ZNF462: variants seen among roughly 807,000 people sequenced by gnomAD.
The protein encoded by ZNF462 is zinc finger protein 462.
ZNF462 carries 10 observed loss-of-function variants against 201.9 expected under a neutral mutation model. The ratio of observed to expected loss-of-function variants is 0.05; its 90% CI spans 0.03 to 0.08. ZNF462 has a LOEUF of 0.08. Ranked by LOEUF, ZNF462 falls within the 10% of genes least tolerant of loss-of-function variation. ZNF462 has a pLI of 1.00. For missense variants in ZNF462, 2,523 were observed against 3,168.3 expected (o/e 0.80, Z 4.89); for synonymous variants, 1,227 against 1,193.3 (o/e 1.03, Z -0.58).
Position 106,946,898 on chromosome 9 carries a change from A to C in ZNF462, c.6427+7791A>C, listed in dbSNP as rs571696438. The stretch of plus-strand genomic sequence containing the variant: ...CTACAATTATTTTTTTGAAAAAATA[A>C]ATTACATACATTCTGATTGTATGTC... On this transcript the variant is annotated intron_variant, in intron 7 of 12. Transcript: ENST00000277225. Among the ~76,000 whole-genome samples the C allele has an allele frequency of 6.6e-5, 10 of 152,346 alleles. No individual in the cohort carries two copies. In the South Asian group the frequency reaches 2.1e-3, roughly 32 times the overall value.
At chr9:106,985,355 C>T (rs1015944516) in intron 10 of ZNF462, among the ~76,000 whole-genome samples, 26 of 151,954 alleles carry the variant, frequency 1.7e-4, no homozygotes, top group Admixed American at 1.5e-3. Context: ...GAAGGAGACT[C>T]GAGAATGAAT....
rs1827709565 is a variant in ZNF462 at position 106,873,868 on chromosome 9, T to G, written c.-31+10513T>G. 2.0e-5 allele frequency among the ~76,000 whole-genome samples: 3 copies of G among 152,276 alleles called. No individual in the cohort carries two copies. The South Asian group carries it at 6.2e-4, about 32-fold the overall frequency. ...GTTGGACATTAGTTGCTGAATAGAC[T>G]CTTCAGCCCCCAAGAAACTAGTGGT... On this transcript the variant is annotated intron_variant, in intron 1 of 12. Transcript: ENST00000277225.
At position 106,920,751 on chromosome 9, in the gene ZNF462, A is replaced by G. The variant is rs535454856; in HGVS notation, c.-30-2603A>G. Among the ~76,000 whole-genome samples the G allele has an allele frequency of 5.7e-4, 87 of 152,298 alleles. No homozygotes were observed. The highest frequency in any genetic ancestry group is 9.0e-4 in the Non-Finnish European group (61 of 68,018). On this transcript the variant is annotated intron_variant, in intron 1 of 12. Coordinates refer to ENST00000277225, the MANE Select transcript of ZNF462 (RefSeq NM_021224.6). This position sits in a 1 kb window ranked among gnomAD's most constrained non-coding sequence, Gnocchi z 4.3. ...TAGCTTCAGAAGACACCAAGATATT[A>G]GAGAACTACATAGAGAGATGAATTT...
At chr9:106,864,356 G>A (rs1427413385) in intron 1 of ZNF462, among the ~76,000 whole-genome samples, 1 of 152,000 alleles carries the variant, frequency 6.6e-6, no homozygotes, top group Non-Finnish European at 1.5e-5. Flanking sequence ...CTCTGAGGAA[G>A]GGAGAAAGGA....
At chr9:107,002,383 T>C (rs1467663406) in intron 10 of ZNF462, among the ~76,000 whole-genome samples, 1 of 152,176 alleles carries the variant, frequency 6.6e-6, no homozygotes. Flanking sequence ...CATGGCAATT[T>C]TTTGACTTTA....
At chr9:106,893,838 C>T (rs561979208) in intron 1 of ZNF462, among the ~76,000 whole-genome samples, 53 of 152,258 alleles carry the variant, frequency 3.5e-4, no homozygotes, top group South Asian at 1.7e-3. Context: ...ACTTGTACTA[C>T]GTGGTAGGTG....
At position 106,880,817 on chromosome 9, in the gene ZNF462, G is replaced by A. The variant is rs1392080991; in HGVS notation, c.-31+17462G>A. Reference sequence around the variant, plus strand: ...TGTGGGGACCTGGACTCCCAAGATGGATTGGGTCCACACATTCCTAGACCT... The same window carrying A: ...TGTGGGGACCTGGACTCCCAAGATGAATTGGGTCCACACATTCCTAGACCT... On this transcript the variant is annotated intron_variant, in intron 1 of 12. Coordinates refer to ENST00000277225, the MANE Select transcript of ZNF462 (RefSeq NM_021224.6). The surrounding 1 kb of genome is among the most constrained non-coding windows in gnomAD (Gnocchi z 4.1). Among the ~76,000 whole-genome samples the A allele has an allele frequency of 6.6e-6, 1 of 152,164 alleles. No individual in the cohort carries two copies. The highest frequency in any genetic ancestry group is 1.5e-5 in the Non-Finnish European group (1 of 68,034).
chr9:106,932,180 T>C lies in ZNF462; in HGVS notation c.6013-266T>C. ...AAGTGCTGTTGAGTTTGGGAGAATG[T>C]AGGGAGAAAAAGAAAGCTGGAGGCA... On this transcript the variant is annotated intron_variant, in intron 4 of 12. Transcript: ENST00000277225. This position sits in a 1 kb window ranked among gnomAD's most constrained non-coding sequence, Gnocchi z 6.8. The C allele has an allele frequency of 6.6e-7, 1 of 1,516,452 alleles. No homozygotes were observed. 93.9% of individuals were successfully genotyped at this position (1,516,452 alleles called of 1,614,324 possible).
chr9:106,943,904 A>G (rs1488562131), intron 7 of ZNF462, among the ~76,000 whole-genome samples: 1 of 152,192 alleles, frequency 6.6e-6, no homozygotes, highest in African/African-American at 2.4e-5. Context: ...CAATCTGAAG[A>G]TGAAACCTTA....
chr9:106,938,834 T>G lies in ZNF462; in HGVS notation c.6236-82T>G. The G allele has an allele frequency of 1.4e-6, 2 of 1,397,394 alleles. No individual in the cohort carries two copies. Among genetic ancestry groups the G allele is most frequent in the Non-Finnish European group, 1.9e-6 (2 of 1,035,732 alleles). The allele number at this position is 1,397,394 out of a possible 1,614,324, so 86.6% of individuals were successfully genotyped here. ...ATGCGCTTCTCTAGCATGAGTTAAC[T>G]GAGTTATCTTGTTTCCACCCTGGCC... is the stretch of plus-strand genomic sequence containing the variant. On this transcript the variant is annotated intron_variant, in intron 6 of 12. Transcript: ENST00000277225. The surrounding 1 kb of genome is among the most constrained non-coding windows in gnomAD (Gnocchi z 4.4).
intron 1 of ZNF462, among the ~76,000 whole-genome samples, chr9:106,884,050 A>G (rs982445665): frequency 6.6e-6 from 1 of 152,214 alleles, no homozygotes; most frequent in Non-Finnish European, 1.5e-5. Flanking sequence ...TTTTCTTTCT[A>G]AATCACCATA....
chr9:106,868,091 A>C (rs535992289), intron 1 of ZNF462, among the ~76,000 whole-genome samples: 16 of 146,574 alleles, frequency 1.1e-4, no homozygotes, highest in Admixed American at 8.2e-4. Context: ...AAAAAAAATC[A>C]GTGTGTGTAA....
In ZNF462 at chr9:106,962,844, C is replaced by T. The variant is rs1338630595; in HGVS notation, c.6428-9161C>T. Among the ~76,000 whole-genome samples the T allele has an allele frequency of 6.6e-6, 1 of 151,954 alleles. No homozygotes were observed. The highest frequency in any genetic ancestry group is 1.5e-5 in the Non-Finnish European group (1 of 67,942). On this transcript the variant is annotated intron_variant, in intron 7 of 12. Coordinates refer to ENST00000277225, the MANE Select transcript of ZNF462 (RefSeq NM_021224.6). This position sits in a 1 kb window ranked among gnomAD's most constrained non-coding sequence, Gnocchi z 4.6. ...TAGTCATCCAGCATCCATTGTCCCCCTGGCCATTGTATCATAATCTTGTGC... is the reference window on the plus strand; with the variant it reads ...TAGTCATCCAGCATCCATTGTCCCCTTGGCCATTGTATCATAATCTTGTGC...
intron 1 of ZNF462, among the ~76,000 whole-genome samples, chr9:106,875,711 A>G (rs999777283): frequency 6.6e-6 from 1 of 152,228 alleles, no homozygotes; most frequent in African/African-American, 2.4e-5. Flanking sequence ...AACCTGTATC[A>G]GAAGTGATAC....
chr9:106,941,166 A>G (rs1830852960), intron 7 of ZNF462, among the ~76,000 whole-genome samples: 1 of 152,218 alleles, frequency 6.6e-6, no homozygotes. Flanking sequence ...TCCTCTGCAT[A>G]GACTGAGAAG....
Position 106,924,831 on chromosome 9 carries a change from G to C in ZNF462, c.919G>C (p.Ala307Pro), listed in dbSNP as rs1209408916. Residue 307 changes from alanine (A) to proline (P), a missense_variant, in exon 3 of 13, where the codon GCT (alanine) becomes CCT (proline). This residue lies in a region of ZNF462 where 480 missense variants were observed against 544.4 expected (regional missense o/e 0.88). Coordinates refer to ENST00000277225, the MANE Select transcript of ZNF462 (RefSeq NM_021224.6). This position sits in a 1 kb window ranked among gnomAD's most constrained non-coding sequence, Gnocchi z 6.2. ...CAACTCCACCTATCTGACCATGAAT[G>C]CTGCAAGCCGGGAGATACCCAATAC... The part of the protein sequence containing the change: ...TSNSTYLTMN[A>P]ASREIPNTTV... The C allele has an allele frequency of 6.2e-7, 1 of 1,614,194 alleles. No homozygotes were observed. Among genetic ancestry groups the C allele is most frequent in the Non-Finnish European group, 8.5e-7 (1 of 1,180,056 alleles).
chr9:106,972,127 G>A lies in ZNF462; in HGVS notation c.6550G>A (p.Glu2184Lys). 1 of 1,614,210 alleles carries A rather than the reference G, an allele frequency of 6.2e-7. No individual in the cohort carries two copies. The highest frequency in any genetic ancestry group is 1.1e-5 in the South Asian group (1 of 91,082). ...VPLSGAAAGTEQKTEAVLHCE... is the reference protein window; with the variant it reads ...VPLSGAAAGTKQKTEAVLHCE... ...TCTTTCTGGGGCTGCTGCTGGCACTGAGCAGAAAACTGAAGCCGTGCTTCA... is the reference window on the plus strand; with the variant it reads ...TCTTTCTGGGGCTGCTGCTGGCACTAAGCAGAAAACTGAAGCCGTGCTTCA... The change falls in exon 8 of 13, where the codon GAG becomes AAG. Residue 2184 changes from glutamate to lysine, a missense_variant. Glu to Lys is a moderately conservative substitution (Grantham distance 56). Coordinates refer to ENST00000277225, the MANE Select transcript of ZNF462 (RefSeq NM_021224.6). The surrounding 1 kb of genome is among the most constrained non-coding windows in gnomAD (Gnocchi z 4.8).
In ZNF462 at chr9:106,954,268, G is replaced by A. The variant is rs528808540; in HGVS notation, c.6427+15161G>A. ...TTATAATCAAGGTGGAAGGCAAAGGGGGAGCAAGGCACATCTTATATGGTG... is the reference window on the plus strand; with the variant it reads ...TTATAATCAAGGTGGAAGGCAAAGGAGGAGCAAGGCACATCTTATATGGTG... On this transcript the variant is annotated intron_variant, in intron 7 of 12. Transcript: ENST00000277225. The surrounding 1 kb of genome is among the most constrained non-coding windows in gnomAD (Gnocchi z 4.0). Among the ~76,000 whole-genome samples, 7 of 152,216 alleles carry A rather than the reference G, an allele frequency of 4.6e-5. No individual in the cohort carries two copies. The South Asian group carries it at 1.5e-3, about 32-fold the overall frequency.
chr9:106,934,699 G>C (rs900606603), intron 5 of ZNF462, among the ~76,000 whole-genome samples: 2 of 152,168 alleles, frequency 1.3e-5, no homozygotes, highest in African/African-American at 2.4e-5. Flanking sequence ...TCCCACATGA[G>C]GCATTTAGAA....
Sources: allele counts gnomAD v4.1 joint callset (sites outside exome capture counted in the v4.1 genomes callset), GRCh38; gene constraint gnomAD v4.1.1; regional missense constraint gnomAD v4.1.1; non-coding constraint Gnocchi (gnomAD v3.1); transcripts MANE v1.5; gene names NCBI Gene and HGNC (gene_info 2026-07-23, HGNC 2026-07-21).